The following HSD11B1 variants were observed in gnomAD, a reference collection of about 807,000 sequenced individuals.
HSD11B1 encodes 11-beta-hydroxysteroid dehydrogenase 1.
A neutral mutation model predicts 22.1 loss-of-function variants in HSD11B1; 15 were observed. The observed-to-expected ratio is 0.68, with a 90% CI of 0.45 to 1.04. The LOEUF (loss-of-function observed/expected upper bound fraction) is 1.04. Ranked by LOEUF, HSD11B1 falls within the 50% of genes least tolerant of loss-of-function variation. HSD11B1 has a pLI of 0.00. For synonymous variants in HSD11B1, 122 were observed against 125.2 expected, an observed-to-expected ratio of 0.97 and a Z score of 0.17; for missense variants, 281 against 357.6, an observed-to-expected ratio of 0.79 and a Z score of 1.73.
chr1:209,692,165 G>A (rs1288288613), intron 1 of HSD11B1, among the ~76,000 whole-genome samples: 1 of 151,796 alleles, frequency 6.6e-6, no homozygotes, highest in African/African-American at 2.4e-5. Flanking sequence ...TTGATGTCTG[G>A]AGCCATTAAG....
exon 1 of HSD11B1, chr1:209,686,282 T>C (rs945443394): frequency 7.9e-5 from 12 of 152,162 alleles, no homozygotes; most frequent in African/African-American, 2.9e-4. Context: ...TTCGAAATCT[T>C]GAGGTAAGAC....
chr1:209,699,406 G>A (rs2076813062), intron 1 of HSD11B1, among the ~76,000 whole-genome samples: 3 of 152,166 alleles, frequency 2.0e-5, no homozygotes, highest in Admixed American at 6.5e-5. Context: ...TTACATGGCA[G>A]CAGTAAGAGT....
intron 4 of HSD11B1, among the ~76,000 whole-genome samples, chr1:209,715,689 A>T (rs2102382793): frequency 6.6e-6 from 1 of 152,342 alleles, no homozygotes; most frequent in Middle Eastern, 3.4e-3. Context: ...TGAAGTCATA[A>T]ATAAATGCAT....
At chr1:209,690,271 G>A (rs551909805) in intron 1 of HSD11B1, among the ~76,000 whole-genome samples, 21 of 152,072 alleles carry the variant, frequency 1.4e-4, no homozygotes, top group African/African-American at 3.1e-4. Flanking sequence ...GCGCCACTGC[G>A]CTCCAGCCTG....
chr1:209,702,571 TAAGAC>T (rs2076832136), upstream of HSD11B1, among the ~76,000 whole-genome samples: 2 of 152,206 alleles, frequency 1.3e-5, no homozygotes, highest in Admixed American at 1.3e-4. Flanking sequence ...ATAATTATAC[TAAGAC>T]ATTACCTGAC....
At chr1:209,691,785 T>C (rs2076761115) in intron 1 of HSD11B1, among the ~76,000 whole-genome samples, 1 of 152,164 alleles carries the variant, frequency 6.6e-6, no homozygotes, top group Non-Finnish European at 1.5e-5. Flanking sequence ...AGGGAATGGG[T>C]GTTTGTGTGT....
chr1:209,690,269 G>A (rs1383787658), intron 1 of HSD11B1, among the ~76,000 whole-genome samples: 1 of 152,234 alleles, frequency 6.6e-6, no homozygotes, highest in Non-Finnish European at 1.5e-5. Flanking sequence ...TGGCGCCACT[G>A]CGCTCCAGCC....
At chr1:209,689,684 T>C (rs1039663889) in intron 1 of HSD11B1, among the ~76,000 whole-genome samples, 1 of 152,170 alleles carries the variant, frequency 6.6e-6, no homozygotes, top group African/African-American at 2.4e-5. Context: ...CCATGTGATG[T>C]CTGCTCCTCT....
upstream of HSD11B1, among the ~76,000 whole-genome samples, chr1:209,701,989 G>C (rs951386778): frequency 3.9e-5 from 6 of 152,212 alleles, no homozygotes; most frequent in African/African-American, 1.4e-4. Context: ...TGTGCAGGTA[G>C]GCTCCAGGTA....
intron 4 of HSD11B1, among the ~76,000 whole-genome samples, chr1:209,726,108 C>T (rs2076999290): frequency 1.3e-5 from 2 of 151,786 alleles, no homozygotes; most frequent in South Asian, 2.1e-4. Flanking sequence ...CAGTAAAGCC[C>T]CATCTCTACT....
At chr1:209,705,764 T>G in intron 1 of HSD11B1, 47 bp from the exon 2 acceptor site, 1 of 1,611,246 alleles carries the variant, frequency 6.2e-7, no homozygotes, top group Non-Finnish European at 8.5e-7. Flanking sequence ...GAAGGAATTT[T>G]GCTGCCAACT....
rs1441555199 is a variant in HSD11B1 at position 209,696,702 on chromosome 1, G to C, written c.-48-8193G>C. ...ACAGAAAGAAAAGCCTGGTGACTATGAATTGACAGAAGCCAAGGGAGGAGG... is the reference window on the plus strand; with the variant it reads ...ACAGAAAGAAAAGCCTGGTGACTATCAATTGACAGAAGCCAAGGGAGGAGG... On this transcript the variant is annotated intron_variant, in intron 1 of 6. Transcript: ENST00000261465. Among the ~76,000 whole-genome samples, 3 of 152,230 alleles carry C rather than the reference G, an allele frequency of 2.0e-5. No individual in the cohort carries two copies. In the East Asian group the frequency reaches 5.8e-4, roughly 29 times the overall value.
In HSD11B1 at chr1:209,706,944, A is replaced by G; in HGVS notation, c.333A>G (p.Gly111=). 1 of 1,613,886 alleles carries G rather than the reference A, an allele frequency of 6.2e-7. No homozygotes were observed. ...TCTTAATATAGCCATCTCTTGCAGG[A>G]GGACTAGACATGCTCATTCTCAACC... ...QFVAQAGKLM[G]GLDMLILNHI... Residue 111 remains glycine (G), a splice_region_variant and synonymous_variant, in exon 4 of 6, where the codon GGA becomes GGG. Transcript: ENST00000367027. The surrounding 1 kb of genome is among the most constrained non-coding windows in gnomAD (Gnocchi z 4.0).
At chr1:209,719,439 T>C (rs1331866886) in intron 4 of HSD11B1, among the ~76,000 whole-genome samples, 1 of 152,124 alleles carries the variant, frequency 6.6e-6, no homozygotes, top group Non-Finnish European at 1.5e-5. Flanking sequence ...AAGGAGAGAA[T>C]GTGGAGTTAT....
chr1:209,713,142 A>G (rs1167619415), intron 4 of HSD11B1, among the ~76,000 whole-genome samples: 2 of 152,266 alleles, frequency 1.3e-5, no homozygotes, highest in African/African-American at 4.8e-5. Context: ...TTTAGGTACA[A>G]AAACATTTGT....
At chr1:209,697,370 C>T (rs1470458212) in intron 1 of HSD11B1, among the ~76,000 whole-genome samples, 1 of 152,176 alleles carries the variant, frequency 6.6e-6, no homozygotes, top group African/African-American at 2.4e-5. Flanking sequence ...CATTCCTGCT[C>T]ATATTTCAAC....
intron 4 of HSD11B1, among the ~76,000 whole-genome samples, chr1:209,708,539 G>A (rs1286115524): frequency 6.6e-6 from 1 of 152,116 alleles, no homozygotes; most frequent in Admixed American, 6.6e-5. Flanking sequence ...GACTCTCTCT[G>A]GGCTGGAAGA....
chr1:209,727,352 G>A (rs1346273530), intron 4 of HSD11B1, among the ~76,000 whole-genome samples: 3 of 152,182 alleles, frequency 2.0e-5, no homozygotes, highest in African/African-American at 4.8e-5. Context: ...GTAGTCTTAC[G>A]CTACCAAGTT....
intron 4 of HSD11B1, among the ~76,000 whole-genome samples, chr1:209,727,824 A>G (rs1271339342): frequency 6.6e-6 from 1 of 152,216 alleles, no homozygotes; most frequent in Non-Finnish European, 1.5e-5. Context: ...TTTGCAGAAT[A>G]CTTGTCTCCG....
Sources: allele counts gnomAD v4.1 joint callset (sites outside exome capture counted in the v4.1 genomes callset), GRCh38; gene constraint gnomAD v4.1.1; non-coding constraint Gnocchi (gnomAD v3.1); transcripts MANE v1.5; gene names NCBI Gene and HGNC (gene_info 2026-07-23, HGNC 2026-07-21).